USP48: variants seen among roughly 807,000 people sequenced by gnomAD.
USP48 encodes the protein ubiquitin specific peptidase 48.
Under a neutral mutation model 150.7 loss-of-function variants are expected in USP48, and 43 were observed. The ratio of observed to expected loss-of-function variants is 0.29; its 90% CI spans 0.22 to 0.37. The LOEUF is 0.37. USP48 is among the 10% of genes least tolerant of loss of function. The pLI is 1.00. For missense variants in USP48, 813 were observed against 1,249.6 expected (o/e 0.65, Z 5.27); for synonymous variants, 396 against 425.9 (o/e 0.93, Z 0.86).
intron 25 of USP48, chr1:21,685,845 GGT>G (rs1313062432): frequency 6.2e-5 from 9 of 145,772 alleles, no homozygotes; most frequent in Admixed American, 3.3e-4. Context: ...AGCCTGGCAT[GGT>G]GGCTCATGCC....
At chr1:21,696,692 C>T (rs984201480) in intron 22 of USP48, among the ~76,000 whole-genome samples, 5 of 151,976 alleles carry the variant, frequency 3.3e-5, no homozygotes, top group African/African-American at 1.2e-4. Flanking sequence ...GTCATGATGG[C>T]CATGACTACC....
intron 22 of USP48, among the ~76,000 whole-genome samples, chr1:21,697,449 G>A (rs1413097218): frequency 4.6e-5 from 7 of 152,138 alleles, no homozygotes; most frequent in Admixed American, 3.9e-4. Flanking sequence ...GGATCACAAG[G>A]TCAGGAGATT....
In USP48 at chr1:21,693,076, T is replaced by C. The variant is rs185652174; in HGVS notation, c.2883+1990A>G. Among the ~76,000 whole-genome samples the C allele has an allele frequency of 4.1e-4, 62 of 151,880 alleles. No homozygotes were observed. In the East Asian group the frequency reaches 0.011, roughly 27 times the overall value. ...GCTGTGTGGGGCTGAAAAAAGAAAA[T>C]ATAGAAGCGATCGCCTCAGCTGCCA... On this transcript the variant is annotated intron_variant, in intron 23 of 26. Transcript: ENST00000308271.
rs139158587 is a variant in USP48 at position 21,748,123 on chromosome 1, T to C, written c.908+15A>G. The C allele has an allele frequency of 6.6e-5, 106 of 1,609,954 alleles. No homozygotes were observed. The African/African-American group carries it at 1.3e-3, about 20-fold the overall frequency. On this transcript the variant is annotated intron_variant, in intron 7 of 26. Transcript: ENST00000308271. Reference sequence around the variant, plus strand: ...CCACAATGAACAACAAACACTAATATTTGCACACATTTACCTGTCAAAGAC... The same window carrying C: ...CCACAATGAACAACAAACACTAATACTTGCACACATTTACCTGTCAAAGAC...
At position 21,695,232 on chromosome 1, in the gene USP48, G is replaced by T. The variant is rs1016297853; in HGVS notation, c.2728-11C>A. 9 of 1,590,272 alleles carry T rather than the reference G, an allele frequency of 5.7e-6. No individual in the cohort carries two copies. Among genetic ancestry groups the T allele is most frequent in the Non-Finnish European group, 7.7e-6 (9 of 1,169,870 alleles). On this transcript the variant is annotated splice_polypyrimidine_tract_variant and intron_variant, in intron 22 of 26. Coordinates refer to ENST00000308271, the MANE Select transcript of USP48 (RefSeq NM_032236.8). ...TGTTCCACCATTGCTCTATAATGAA[G>T]ATTGGAAATGAAGAAAGCACTGAAA...
At position 21,690,108 on chromosome 1, in the gene USP48, A is replaced by G. The variant is rs1232612218; in HGVS notation, c.2884-9T>C. ...GAAAATGCATGCATGATCTGTGCCA[A>G]TATAAAAGAGAGAAAGTCCGTATAA... On this transcript the variant is annotated splice_polypyrimidine_tract_variant and intron_variant, in intron 23 of 26. Transcript: ENST00000308271. 1 of 1,610,866 alleles carries G rather than the reference A, an allele frequency of 6.2e-7. No individual in the cohort carries two copies. The highest frequency in any genetic ancestry group is 8.5e-7 in the Non-Finnish European group (1 of 1,178,230).
chr1:21,724,467 C>A, intron 11 of USP48: 1 of 390,658 alleles, frequency 2.6e-6, no homozygotes, highest in Non-Finnish European at 4.6e-6. Flanking sequence ...ACAAATAACA[C>A]AACCTCATGC....
At position 21,756,533 on chromosome 1, in the gene USP48, C is replaced by T; in HGVS notation, c.412+13G>A. The T allele has an allele frequency of 6.3e-7, 1 of 1,575,418 alleles. No homozygotes were observed. On this transcript the variant is annotated intron_variant, in intron 3 of 26. Coordinates refer to ENST00000308271, the MANE Select transcript of USP48 (RefSeq NM_032236.8). ...TTCAGGAAGAGAGCTCTCCCCCACC[C>T]CTTTCCACCCACCTTTTTCTTCTTG...
chr1:21,728,342 A>G, intron 11 of USP48: 2 of 1,283,550 alleles, frequency 1.6e-6, no homozygotes, highest in East Asian at 3.1e-5. Flanking sequence ...CCTAAATGTT[A>G]TAATTTATTA....
chr1:21,757,418 A>G, intron 2 of USP48: 1 of 334,676 alleles, frequency 3.0e-6, no homozygotes, highest in Middle Eastern at 8.0e-4. Flanking sequence ...AAGCAAACAT[A>G]GAATCAGCAT....
chr1:21,723,100 G>A (rs1353664643), intron 12 of USP48, among the ~76,000 whole-genome samples: 1 of 152,106 alleles, frequency 6.6e-6, no homozygotes, highest in African/African-American at 2.4e-5. Flanking sequence ...ACAACAGAAA[G>A]GCAGCCAAAA....
At chr1:21,735,147 A>G (rs2097765914) in intron 9 of USP48, among the ~76,000 whole-genome samples, 1 of 152,232 alleles carries the variant, frequency 6.6e-6, no homozygotes. Flanking sequence ...ACTATTCATC[A>G]TCACTAACTT....
chr1:21,780,561 T>A (rs2097911726), intron 1 of USP48, among the ~76,000 whole-genome samples: 1 of 151,968 alleles, frequency 6.6e-6, no homozygotes, highest in African/African-American at 2.4e-5. Flanking sequence ...TTCCCAGGTA[T>A]TTTTTTAATG....
intron 8 of USP48, among the ~76,000 whole-genome samples, chr1:21,746,834 C>G (rs1286658424): frequency 6.6e-6 from 1 of 152,156 alleles, no homozygotes; most frequent in East Asian, 1.9e-4. Context: ...TTTTTATACC[C>G]TTAATTCTGT....
chr1:21,746,936 A>G, intron 8 of USP48, 131 bp downstream of exon 8: 1 of 647,080 alleles, frequency 1.5e-6, no homozygotes. Context: ...CTTTGTTCCC[A>G]GACAGAGGTT....
intron 11 of USP48, among the ~76,000 whole-genome samples, chr1:21,727,210 C>G (rs769554742): frequency 3.9e-5 from 6 of 152,122 alleles, no homozygotes; most frequent in Non-Finnish European, 8.8e-5. Context: ...AAAGACTTCT[C>G]TTGCCAGCAC....
chr1:21,758,861 G>A (rs1038919470), intron 1 of USP48, among the ~76,000 whole-genome samples: 6 of 152,036 alleles, frequency 3.9e-5, no homozygotes, highest in Admixed American at 6.6e-5. Context: ...ACTACTTCAC[G>A]CATGCACACA....
intron 1 of USP48, among the ~76,000 whole-genome samples, chr1:21,770,199 A>G (rs2097875357): frequency 6.6e-6 from 1 of 152,022 alleles, no homozygotes; most frequent in African/African-American, 2.4e-5. Flanking sequence ...AGAATTGAAC[A>G]CACTACTGCT....
chr1:21,762,778 A>G (rs2097852979), intron 1 of USP48, among the ~76,000 whole-genome samples: 2 of 148,572 alleles, frequency 1.3e-5, no homozygotes, highest in Non-Finnish European at 3.0e-5. Context: ...AGGCAGGAGA[A>G]TTGCTTGAAC....
Sources: allele counts gnomAD v4.1 joint callset (sites outside exome capture counted in the v4.1 genomes callset), GRCh38; gene constraint gnomAD v4.1.1; transcripts MANE v1.5; gene names NCBI Gene and HGNC (gene_info 2026-07-23, HGNC 2026-07-21).